The following HNRNPLL variants were observed in gnomAD, a reference collection of about 807,000 sequenced individuals.
The protein encoded by HNRNPLL is heterogeneous nuclear ribonucleoprotein L-like.
In HNRNPLL, 25 loss-of-function variants were observed where a neutral mutation model predicts 67.1. The observed-to-expected ratio is 0.37, with a 90% CI of 0.27 to 0.52. The LOEUF (loss-of-function observed/expected upper bound fraction) is 0.52, where lower values mean the gene tolerates loss of function less well. Among genes scored for constraint, HNRNPLL ranks in the 20% least tolerant of loss-of-function variants. The probability of loss-of-function intolerance (pLI) is 0.90; values close to 1 mark genes in which losing one functional copy is unlikely to be tolerated. For synonymous variants in HNRNPLL, 267 were observed against 241.7 expected, an observed-to-expected ratio of 1.10 and a Z score of -0.97; for missense variants, 542 against 673.9, an observed-to-expected ratio of 0.80 and a Z score of 2.17.
intron 10 of HNRNPLL, among the ~76,000 whole-genome samples, chr2:38,568,876 T>C (rs868667727): frequency 2.0e-5 from 3 of 152,160 alleles, no homozygotes; most frequent in Non-Finnish European, 4.4e-5. Context: ...TAAATAACTT[T>C]CTGAATGCAG....
At chr2:38,583,097 T>C (rs193172198) in intron 4 of HNRNPLL, among the ~76,000 whole-genome samples, 2 of 152,148 alleles carry the variant, frequency 1.3e-5, no homozygotes, top group East Asian at 1.9e-4. Context: ...ACAAAACAAA[T>C]ACATGATTTT....
intron 6 of HNRNPLL, among the ~76,000 whole-genome samples, chr2:38,578,773 T>C (rs967382954): frequency 1.3e-5 from 2 of 152,078 alleles, no homozygotes; most frequent in African/African-American, 4.8e-5. Context: ...TTTTATATTG[T>C]ATAGAAATTG....
intron 1 of HNRNPLL, among the ~76,000 whole-genome samples, chr2:38,593,844 C>A (rs183668821): frequency 7.0e-6 from 1 of 143,396 alleles, no homozygotes; most frequent in Non-Finnish European, 1.5e-5. Flanking sequence ...GACTGGGCGA[C>A]GGAGTGAGAC....
chr2:38,585,531 TA>T, intron 3 of HNRNPLL, 112 bp downstream of exon 3: 1 of 649,436 alleles, frequency 1.5e-6, no homozygotes, highest in Non-Finnish European at 2.7e-6. Context: ...TTTTCAAAAT[TA>T]AAAAAACTAT....
chr2:38,594,133 C>T (rs527841584), intron 1 of HNRNPLL, among the ~76,000 whole-genome samples: 164 of 152,206 alleles, frequency 1.1e-3, no homozygotes, highest in African/African-American at 3.8e-3. Flanking sequence ...CGAGATTGCG[C>T]CACTGCACTC....
intron 1 of HNRNPLL, chr2:38,601,613 CCCT>C (rs1211499951): frequency 6.6e-6 from 1 of 152,198 alleles, no homozygotes; most frequent in African/African-American, 2.4e-5. Context: ...TTCTGCCTCC[CCCT>C]AACATTTCTG....
rs1331693348 is a variant in HNRNPLL, at chr2:38,592,163, CAGTA to C, written c.190-519_190-516del. 3.3e-5 allele frequency among the ~76,000 whole-genome samples: 5 copies of C among 152,180 alleles called. No individual in the cohort carries two copies. The South Asian group carries it at 1.0e-3, about 32-fold the overall frequency. ...TTTCTTAAAAGGGAGCATTCTATCT[CAGTA>C]AGAAGTACAAAGATGTTATTTAATA... On this transcript the variant is annotated intron_variant, in intron 1 of 12. Transcript: ENST00000449105.
intron 6 of HNRNPLL, chr2:38,581,038 A>C (rs934570923): frequency 6.6e-6 from 1 of 152,246 alleles, no homozygotes; most frequent in Non-Finnish European, 1.5e-5. Flanking sequence ...TGAGAAAAAA[A>C]CAAAAAATTT....
At chr2:38,590,028 C>T (rs1484768420) in intron 2 of HNRNPLL, among the ~76,000 whole-genome samples, 1 of 152,126 alleles carries the variant, frequency 6.6e-6, no homozygotes, top group Non-Finnish European at 1.5e-5. Flanking sequence ...TGTAACTCTC[C>T]ACGCAGATTT....
chr2:38,589,416 G>A (rs995490214), intron 2 of HNRNPLL, among the ~76,000 whole-genome samples: 1 of 152,176 alleles, frequency 6.6e-6, no homozygotes, highest in Non-Finnish European at 1.5e-5. Flanking sequence ...ATTGGAAGCT[G>A]TTCAAGGTTC....
intron 1 of HNRNPLL, among the ~76,000 whole-genome samples, chr2:38,594,466 TA>T (rs778591173): frequency 6.6e-6 from 1 of 152,052 alleles, no homozygotes; most frequent in East Asian, 1.9e-4. Context: ...GAAAATAGTA[TA>T]GGGGAAAAAA....
chr2:38,600,920 A>T (rs891998144), intron 1 of HNRNPLL, among the ~76,000 whole-genome samples: 4 of 152,178 alleles, frequency 2.6e-5, no homozygotes, highest in Non-Finnish European at 5.9e-5. Flanking sequence ...CTGTTTTCAA[A>T]AACAAATTTT....
intron 7 of HNRNPLL, among the ~76,000 whole-genome samples, chr2:38,573,819 T>C (rs1024165373): frequency 2.0e-4 from 30 of 151,858 alleles, no homozygotes; most frequent in African/African-American, 6.8e-4. Context: ...TAATATTACA[T>C]GTACAGTGAA....
chr2:38,596,450 G>C (rs1234698818), intron 1 of HNRNPLL, among the ~76,000 whole-genome samples: 4 of 152,060 alleles, frequency 2.6e-5, no homozygotes, highest in African/African-American at 9.7e-5. Context: ...TAGAGACAGG[G>C]TTTCACCATT....
intron 1 of HNRNPLL, among the ~76,000 whole-genome samples, chr2:38,597,768 A>G (rs1179756002): frequency 6.6e-6 from 1 of 151,532 alleles, no homozygotes; most frequent in Admixed American, 6.6e-5. Flanking sequence ...AGCTCACTGC[A>G]ACCGTCGCCC....
rs114328679 is a variant in HNRNPLL, at chr2:38,599,562, G to A, written c.189+2876C>T. ...AGCTCAGTGAATGTGAAAAACCCTA[G>A]GAGTTTTTTGCTCTATTAAAAAAAG... On this transcript the variant is annotated intron_variant, in intron 1 of 12. Coordinates refer to ENST00000449105, the MANE Select transcript of HNRNPLL (RefSeq NM_138394.4). Among the ~76,000 whole-genome samples the A allele has an allele frequency of 4.0e-3, 607 of 152,198 alleles. 1 individual carries two copies. Among genetic ancestry groups the A allele is most frequent in the Non-Finnish European group, 6.5e-3 (441 of 67,996 alleles).
chr2:38,570,229 C>A (rs1666019741), intron 8 of HNRNPLL, among the ~76,000 whole-genome samples: 1 of 152,182 alleles, frequency 6.6e-6, no homozygotes, highest in Admixed American at 6.5e-5. Context: ...GCTGAAAATA[C>A]AGATAATACC....
In HNRNPLL at chr2:38,569,137, G is replaced by C. The variant is rs1337828229; in HGVS notation, c.1412C>G (p.Thr471Arg). ...CATTTGTATTTCAGTGCCTACCTTT[G>C]TGAAGGTCTCTTCTGTGACACACAA... ...VPLCVTEETF[T>R]KLCNDHEVLT... The change falls in exon 10 of 13, where the codon ACA becomes AGA. Residue 471 changes from threonine (T) to arginine (R), a missense_variant. By Grantham distance (71) the Thr-to-Arg change is moderately conservative (BLOSUM62 -1). This residue lies in a region of HNRNPLL where 415 missense variants were observed against 575.2 expected (regional missense o/e 0.72). Transcript: ENST00000449105. 2 of 1,595,830 alleles carry C rather than the reference G, an allele frequency of 1.3e-6. No homozygotes were observed. The highest frequency in any genetic ancestry group is 2.2e-5 in the South Asian group (2 of 90,756).
In HNRNPLL at chr2:38,602,440, G is replaced by A; in HGVS notation, c.187C>T (p.Pro63Ser). 2 of 1,539,644 alleles carry A rather than the reference G, an allele frequency of 1.3e-6. No homozygotes were observed. Among genetic ancestry groups the A allele is most frequent in the Non-Finnish European group, 1.7e-6 (2 of 1,149,422 alleles). The change falls in exon 1 of 13, where the codon CCG becomes TCG. Residue 63 changes from proline (P) to serine (S), a missense_variant and splice_region_variant. By Grantham distance (74) the Pro-to-Ser change is moderately conservative. Coordinates refer to ENST00000449105, the MANE Select transcript of HNRNPLL (RefSeq NM_138394.4). ...ACAGGGGGGCCGCGCTTTGTTACCGGCTGAGAGAAGCTCCGGCCGCCGCCG... is the reference window on the plus strand; with the variant it reads ...ACAGGGGGGCCGCGCTTTGTTACCGACTGAGAGAAGCTCCGGCCGCCGCCG... The part of the protein sequence containing the change: ...GGGGGRSFSQ[P>S]EAGGSHHKVS...
Sources: gnomAD v4.1 joint callset for allele counts (sites outside exome capture counted in the v4.1 genomes callset) on GRCh38, gnomAD v4.1.1 for gene constraint, gnomAD v4.1.1 regional missense constraint, MANE v1.5 for transcripts, NCBI Gene and HGNC (gene_info 2026-07-23, HGNC 2026-07-21) for gene names.